The following RHOT1 variants were observed in gnomAD, a reference collection of about 807,000 sequenced individuals.
The protein encoded by RHOT1 is mitochondrial Rho GTPase 1.
In RHOT1, 27 loss-of-function variants were observed where a neutral mutation model predicts 95.3. The observed-to-expected ratio is 0.28, with a 90% CI of 0.21 to 0.39. The LOEUF (loss-of-function observed/expected upper bound fraction) is 0.39. Ranked by LOEUF, RHOT1 falls within the 10% of genes least tolerant of loss-of-function variation. The probability of loss-of-function intolerance (pLI) is 1.00; values close to 1 mark genes in which losing one functional copy is unlikely to be tolerated. For synonymous variants in RHOT1, 227 were observed against 263.5 expected (o/e 0.86, Z 1.34); for missense variants, 578 against 786.7 (o/e 0.73, Z 3.17).
chr17:32,219,453 G>T (rs952087518), intron 19 of RHOT1, among the ~76,000 whole-genome samples: 1 of 152,120 alleles, frequency 6.6e-6, no homozygotes, highest in African/African-American at 2.4e-5. Flanking sequence ...TTCACCTTAA[G>T]TTGCAGAATT....
At chr17:32,195,085 A>G (rs948023335) in intron 11 of RHOT1, among the ~76,000 whole-genome samples, 1 of 150,884 alleles carries the variant, frequency 6.6e-6, no homozygotes, top group Non-Finnish European at 1.5e-5. Context: ...TCAGCCTCCC[A>G]AAGTGCTGGG....
intron 18 of RHOT1, 73 bp from the exon 19 acceptor site, chr17:32,211,043 A>G: frequency 1.4e-6 from 2 of 1,443,912 alleles, no homozygotes; most frequent in African/African-American, 2.8e-5. Flanking sequence ...TTTTTTTTTA[A>G]GTTGGCACAC....
At chr17:32,169,479 T>C (rs2034389045) in intron 1 of RHOT1, among the ~76,000 whole-genome samples, 1 of 152,214 alleles carries the variant, frequency 6.6e-6, no homozygotes, top group African/African-American at 2.4e-5. Context: ...CTTTCTTTGC[T>C]TTTACCTTGT....
At chr17:32,162,639 A>G (rs2033667455) in intron 1 of RHOT1, among the ~76,000 whole-genome samples, 1 of 152,164 alleles carries the variant, frequency 6.6e-6, no homozygotes, top group African/African-American at 2.4e-5. Flanking sequence ...AAATCAGATG[A>G]TTCAGTCTGG....
In RHOT1 at chr17:32,158,926, G is replaced by A. The variant is rs1187078208; in HGVS notation, c.38-12117G>A. On this transcript the variant is annotated intron_variant, in intron 1 of 19. Coordinates refer to ENST00000545287, the MANE Select transcript of RHOT1 (RefSeq NM_001033566.3). ...TGGCCATCAGCTGCAGCAGGGAGGC[G>A]CAAGCGGTGGCAGCAGGAGTGGCTG... Among the ~76,000 whole-genome samples, 4 of 152,196 alleles carry A rather than the reference G, an allele frequency of 2.6e-5. No homozygotes were observed. The South Asian group carries it at 6.2e-4, about 24-fold the overall frequency.
chr17:32,170,981 G>A, intron 1 of RHOT1, 62 bp from the exon 2 acceptor site: 1 of 1,185,834 alleles, frequency 8.4e-7, no homozygotes, highest in South Asian at 1.4e-5. Context: ...TTATGTGGTT[G>A]CCAAATTTGA....
chr17:32,151,184 T>A (rs1289445662), intron 1 of RHOT1: 4 of 769,886 alleles, frequency 5.2e-6, no homozygotes. Flanking sequence ...TAGTTTCTCC[T>A]GAAGATTTCT....
intron 1 of RHOT1, among the ~76,000 whole-genome samples, chr17:32,149,924 A>AT (rs1019994649): frequency 3.3e-5 from 5 of 151,294 alleles, no homozygotes; most frequent in Non-Finnish European, 7.4e-5. Context: ...AATTCTTTGT[A>AT]TTTTTTTAGT....
intron 1 of RHOT1, among the ~76,000 whole-genome samples, chr17:32,145,670 TA>T (rs2031208539): frequency 6.6e-6 from 1 of 152,304 alleles, no homozygotes; most frequent in African/African-American, 2.4e-5. Flanking sequence ...GTCCTGAATA[TA>T]TACAGATTCA....
chr17:32,211,262 AC>A, intron 19 of RHOT1, 24 bp downstream of exon 19: 1 of 1,571,126 alleles, frequency 6.4e-7, no homozygotes, highest in Non-Finnish European at 8.7e-7. Context: ...TTTACTGGGT[AC>A]CAGGCATTCT....
intron 9 of RHOT1, 33 bp downstream of exon 9, chr17:32,192,332 C>CTTTTT (rs397857197): frequency 3.9e-4 from 214 of 543,298 alleles, no homozygotes; most frequent in South Asian, 6.3e-4. Context: ...ATTTGCGTAT[C>CTTTTT]TTTTTTTTTT....
At chr17:32,199,991 G>A (rs2037190041) in intron 13 of RHOT1, among the ~76,000 whole-genome samples, 1 of 145,036 alleles carries the variant, frequency 6.9e-6, no homozygotes, top group Admixed American at 7.0e-5. Context: ...TGCCCAGGCT[G>A]GAGTGTAGTG....
At chr17:32,174,409 T>C (rs1309387226) in intron 3 of RHOT1, among the ~76,000 whole-genome samples, 1 of 152,230 alleles carries the variant, frequency 6.6e-6, no homozygotes, top group Non-Finnish European at 1.5e-5. Context: ...ATCTGTATGT[T>C]GGACAGCACT....
At chr17:32,211,649 A>T (rs1567726387) in intron 19 of RHOT1, among the ~76,000 whole-genome samples, 1 of 152,226 alleles carries the variant, frequency 6.6e-6, no homozygotes, top group East Asian at 1.9e-4. Context: ...ATCTCATTAA[A>T]ACCATAGTAA....
At chr17:32,217,615 C>T (rs761119451) in intron 19 of RHOT1, among the ~76,000 whole-genome samples, 1 of 151,468 alleles carries the variant, frequency 6.6e-6, no homozygotes, top group Non-Finnish European at 1.5e-5. Flanking sequence ...ATTAGCTGGG[C>T]GTGGTGGTGC....
At chr17:32,190,236 A>G (rs939240024) in intron 8 of RHOT1, among the ~76,000 whole-genome samples, 3 of 152,112 alleles carry the variant, frequency 2.0e-5, no homozygotes, top group Admixed American at 1.3e-4. Flanking sequence ...CAGGCAGATC[A>G]TGAGGTTAGG....
At chr17:32,179,876 G>GA (rs1250955093) in intron 6 of RHOT1, 2 of 140,906 alleles carry the variant, frequency 1.4e-5, no homozygotes, top group African/African-American at 6.1e-5. Flanking sequence ...TCTGGGAAAT[G>GA]GGAAGCGCCT....
At chr17:32,154,027 GC>G (rs1445629590) in intron 1 of RHOT1, among the ~76,000 whole-genome samples, 1 of 152,026 alleles carries the variant, frequency 6.6e-6, no homozygotes, top group African/African-American at 2.4e-5. Flanking sequence ...CAGGGGACAG[GC>G]GTGGTGGCTC....
chr17:32,172,187 C>T (rs554774662), intron 2 of RHOT1, among the ~76,000 whole-genome samples: 1 of 152,248 alleles, frequency 6.6e-6, no homozygotes, highest in East Asian at 1.9e-4. Context: ...ATAGTGTTTT[C>T]AACATTTACA....
Sources: allele counts gnomAD v4.1 joint callset (sites outside exome capture counted in the v4.1 genomes callset), GRCh38; gene constraint gnomAD v4.1.1; transcripts MANE v1.5; gene names NCBI Gene and HGNC (gene_info 2026-07-23, HGNC 2026-07-21).